Variants in NLRC5 observed in about 807,000 individuals in gnomAD.
The protein encoded by NLRC5 is protein NLRC5.
NLRC5 carries 114 observed loss-of-function variants against 206.9 expected under a neutral mutation model. The observed-to-expected ratio is 0.55, with a 90% confidence interval of 0.47 to 0.64. The LOEUF is 0.64. Ranked by LOEUF, NLRC5 falls within the 30% of genes least tolerant of loss-of-function variation. The probability of loss-of-function intolerance (pLI) is 0.00; values close to 1 mark genes in which losing one functional copy is unlikely to be tolerated. For synonymous variants in NLRC5, 952 were observed against 962.8 expected (o/e 0.99, Z 0.21); for missense variants, 2,008 against 2,305.5 (o/e 0.87, Z 2.64).
At position 57,006,001 on chromosome 16, in the gene NLRC5, T is replaced by C. The variant is rs116194306; in HGVS notation, c.-127-11073T>C. On this transcript the variant is annotated intron_variant, in intron 1 of 48. Coordinates refer to ENST00000688547, the MANE Select transcript of NLRC5 (RefSeq NM_001384950.1). ...TTCCAGAAATATTAATGTATTTGTA[T>C]ACACATTTTTTTTTGAGACAGGGTC... is the stretch of plus-strand genomic sequence containing the variant. Among the ~76,000 whole-genome samples the C allele has an allele frequency of 7.8e-3, 1,179 of 151,976 alleles. 19 individuals are homozygous for C. The highest frequency in any genetic ancestry group is 0.027 in the African/African-American group (1,135 of 41,456).
chr16:57,032,743 C>T (rs1383967576), intron 11 of NLRC5, among the ~76,000 whole-genome samples: 1 of 151,494 alleles, frequency 6.6e-6, no homozygotes. Flanking sequence ...TGTCTGTAAC[C>T]CCAGCACTTT....
intron 1 of NLRC5, among the ~76,000 whole-genome samples, chr16:56,992,735 C>T (rs1425430422): frequency 6.6e-6 from 1 of 151,966 alleles, no homozygotes. Context: ...CCTTGGCCTC[C>T]CAAAATGCTA....
intron 23 of NLRC5, among the ~76,000 whole-genome samples, chr16:57,050,570 G>A (rs1267187937): frequency 6.6e-6 from 1 of 152,342 alleles, no homozygotes; most frequent in East Asian, 1.9e-4. Context: ...TTGGGAAGTG[G>A]CTCCAGGCCC....
intron 13 of NLRC5, chr16:57,034,714 C>G (rs137877687): frequency 0.013 from 2,094 of 155,130 alleles, 36 homozygotes; most frequent in South Asian, 0.045. Flanking sequence ...GGGCTCCCCC[C>G]ACCCCCTTCA....
intron 1 of NLRC5, chr16:57,013,827 A>C: frequency 1.4e-6 from 1 of 697,286 alleles, no homozygotes; most frequent in Non-Finnish European, 2.6e-6. Flanking sequence ...TCTCCAGCAT[A>C]AGTTATTTCA....
chr16:57,028,474 A>C, intron 8 of NLRC5, 89 bp downstream of exon 8: 1 of 1,000,722 alleles, frequency 1.0e-6, no homozygotes, highest in Non-Finnish European at 1.6e-6. Context: ...TGTTCCTCCA[A>C]GTCTGACCAG....
intron 38 of NLRC5, among the ~76,000 whole-genome samples, chr16:57,073,472 C>T (rs2068016416): frequency 6.6e-6 from 1 of 152,194 alleles, no homozygotes; most frequent in African/African-American, 2.4e-5. Flanking sequence ...GGTGGGGTAA[C>T]TGACACTTCC....
intron 17 of NLRC5, among the ~76,000 whole-genome samples, chr16:57,041,092 C>T (rs1053606472): frequency 4.6e-5 from 7 of 152,208 alleles, no homozygotes; most frequent in Non-Finnish European, 8.8e-5. Context: ...CCCCCCTTCT[C>T]TCTTGGTCTT....
chr16:57,040,827 C>CAG, intron 17 of NLRC5, 109 bp downstream of exon 17: 5 of 1,043,768 alleles, frequency 4.8e-6, no homozygotes, highest in Non-Finnish European at 7.3e-6. Flanking sequence ...CTGAAGGACA[C>CAG]CTGACCTGCT....
At chr16:57,064,882 C>T (rs1209655183) in intron 32 of NLRC5, among the ~76,000 whole-genome samples, 2 of 152,044 alleles carry the variant, frequency 1.3e-5, no homozygotes, top group Non-Finnish European at 2.9e-5. Flanking sequence ...TGAGATCATG[C>T]CATTGCACTC....
In NLRC5 at chr16:57,047,592, C is replaced by A. The variant is rs1357159442; in HGVS notation, c.3386C>A (p.Ala1129Asp). ...LEPPSLTRLCATLKDCPGPLE... is the reference protein window; with the variant it reads ...LEPPSLTRLCDTLKDCPGPLE... Reference sequence around the variant, plus strand: ...CCCCCAAGCCTCACCCGCCTCTGTGCCACTCTGAAGGACTGCCCGGGACCC... The same window carrying A: ...CCCCCAAGCCTCACCCGCCTCTGTGACACTCTGAAGGACTGCCCGGGACCC... The change falls in exon 23 of 49, where the codon GCC (alanine) becomes GAC (aspartate). Residue 1129 changes from alanine (A) to aspartate (D), a missense_variant. Physicochemically the swap from Ala to Asp is moderately radical, Grantham distance 126. Coordinates refer to ENST00000688547, the MANE Select transcript of NLRC5 (RefSeq NM_001384950.1). The A allele has an allele frequency of 6.2e-7, 1 of 1,613,470 alleles. No homozygotes were observed. Among genetic ancestry groups the A allele is most frequent in the Non-Finnish European group, 8.5e-7 (1 of 1,179,804 alleles).
intron 19 of NLRC5, among the ~76,000 whole-genome samples, chr16:57,043,265 C>T (rs112025906): frequency 2.0e-4 from 30 of 152,262 alleles, no homozygotes; most frequent in African/African-American, 7.0e-4. Context: ...ACCGAGGGAC[C>T]CACTGGGTGC....
At position 57,027,199 on chromosome 16, in the gene NLRC5, T is replaced by C. The variant is rs545220204; in HGVS notation, c.2075+181T>C. ...ACAGGACCTCTGGAGTCCAAATGGATCCTCCTCTTGTCTGTGGTTTCTGGA... is the reference window on the plus strand; with the variant it reads ...ACAGGACCTCTGGAGTCCAAATGGACCCTCCTCTTGTCTGTGGTTTCTGGA... On this transcript the variant is annotated intron_variant, in intron 6 of 48. Coordinates refer to ENST00000688547, the MANE Select transcript of NLRC5 (RefSeq NM_001384950.1). 3.3e-5 allele frequency among the ~76,000 whole-genome samples: 5 copies of C among 152,300 alleles called. No individual in the cohort carries two copies. The South Asian group carries it at 1.0e-3, about 32-fold the overall frequency.
intron 1 of NLRC5, chr16:56,992,484 T>A (rs13337445): frequency 0.098 from 14,193 of 144,592 alleles, 949 homozygotes; most frequent in Non-Finnish European, 0.13. Context: ...ATTTTATTTT[T>A]TTTTTTTAGT....
intron 17 of NLRC5, 115 bp downstream of exon 17, chr16:57,040,833 C>A: frequency 1.0e-6 from 1 of 979,616 alleles, no homozygotes; most frequent in Non-Finnish European, 1.6e-6. Flanking sequence ...GACACCTGAC[C>A]TGCTGTGTCC....
At chr16:57,037,761 C>T (rs2062786997) in intron 15 of NLRC5, among the ~76,000 whole-genome samples, 1 of 152,186 alleles carries the variant, frequency 6.6e-6, no homozygotes, top group Admixed American at 6.5e-5. Context: ...GGCTCTGCCA[C>T]TAGGGAACCC....
At chr16:57,024,825 C>T (rs1025816521) in intron 5 of NLRC5, among the ~76,000 whole-genome samples, 9 of 152,120 alleles carry the variant, frequency 5.9e-5, no homozygotes, top group South Asian at 2.1e-4. Flanking sequence ...GCCTGGCCAA[C>T]GTGACAAAAC....
At chr16:57,050,980 G>A (rs1181327157) in intron 23 of NLRC5, among the ~76,000 whole-genome samples, 2 of 152,098 alleles carry the variant, frequency 1.3e-5, no homozygotes, top group Non-Finnish European at 2.9e-5. Flanking sequence ...AGCCTCCTGA[G>A]TAGCTATTAC....
At chr16:57,071,812 G>A (rs1207360443) in intron 38 of NLRC5, among the ~76,000 whole-genome samples, 1 of 151,238 alleles carries the variant, frequency 6.6e-6, no homozygotes, top group Non-Finnish European at 1.5e-5. Flanking sequence ...GGTGAGTGAG[G>A]GATGACAGTG....
Sources: gnomAD v4.1 joint callset for allele counts (sites outside exome capture counted in the v4.1 genomes callset) on GRCh38, gnomAD v4.1.1 for gene constraint, MANE v1.5 for transcripts, NCBI Gene and HGNC (gene_info 2026-07-23, HGNC 2026-07-21) for gene names.